The following CBLB variants were observed in gnomAD, a reference collection of about 807,000 sequenced individuals.
The protein encoded by CBLB is E3 ubiquitin-protein ligase CBL-B.
Under a neutral mutation model 104.9 loss-of-function variants are expected in CBLB, and 31 were observed. That is an observed-to-expected ratio of 0.30 (90% CI 0.22 to 0.40). CBLB has a LOEUF of 0.40. Ranked by LOEUF, CBLB falls within the 10% of genes least tolerant of loss-of-function variation. The probability of loss-of-function intolerance (pLI) is 1.00; values close to 1 mark genes in which losing one functional copy is unlikely to be tolerated. For synonymous variants in CBLB, 440 were observed against 422.6 expected (o/e 1.04, Z -0.51); for missense variants, 1,062 against 1,214.6 (o/e 0.87, Z 1.87).
chr3:105,795,633 C>T (rs1214932075), intron 3 of CBLB, among the ~76,000 whole-genome samples: 1 of 152,168 alleles, frequency 6.6e-6, no homozygotes, highest in Non-Finnish European at 1.5e-5. Flanking sequence ...GCCCAAAGCT[C>T]AATGTGAAAT....
intron 13 of CBLB, among the ~76,000 whole-genome samples, chr3:105,688,046 T>C (rs2067221190): frequency 6.6e-6 from 1 of 152,104 alleles, no homozygotes; most frequent in African/African-American, 2.4e-5. Context: ...TATTTAGTCA[T>C]TATCTATCCA....
intron 3 of CBLB, among the ~76,000 whole-genome samples, chr3:105,804,911 C>T (rs1450740146): frequency 1.3e-5 from 2 of 152,096 alleles, no homozygotes; most frequent in African/African-American, 4.8e-5. Flanking sequence ...CTCTAATACC[C>T]TCCATACCAA....
chr3:105,765,135 CACAAA>C (rs1004316065), intron 4 of CBLB, among the ~76,000 whole-genome samples: 41 of 152,240 alleles, frequency 2.7e-4, no homozygotes, highest in African/African-American at 9.6e-4. Flanking sequence ...AATGTGGCTA[CACAAA>C]ACAACAGATA....
intron 17 of CBLB, among the ~76,000 whole-genome samples, chr3:105,676,642 GA>G (rs969571531): frequency 6.6e-6 from 1 of 151,764 alleles, no homozygotes; most frequent in Non-Finnish European, 1.5e-5. Context: ...TTGAATAAGT[GA>G]AAAAAAATAG....
chr3:105,670,493 T>G, intron 17 of CBLB, 141 bp from the exon 18 acceptor site: 1 of 667,168 alleles, frequency 1.5e-6, no homozygotes, highest in Non-Finnish European at 2.6e-6. Context: ...TATTAACCAT[T>G]TTTTACTGCC....
Position 105,774,278 on chromosome 3 carries a change from GA to G in CBLB, c.566+2117del, listed in dbSNP as rs574517277. On this transcript the variant is annotated intron_variant, in intron 4 of 18. Coordinates refer to ENST00000394030, the MANE Select transcript of CBLB (RefSeq NM_170662.5). ...ATACAAACAGTATTAGAGCATAATG[GA>G]AAAAAAAAATTCAACCTTTCGAAAG... is the stretch of plus-strand genomic sequence containing the variant. Among the ~76,000 whole-genome samples the G allele has an allele frequency of 2.0e-4, 30 of 149,450 alleles. No individual in the cohort carries two copies. In the South Asian group the frequency reaches 3.6e-3, roughly 18 times the overall value.
intron 2 of CBLB, among the ~76,000 whole-genome samples, chr3:105,864,170 C>T (rs1345449579): frequency 6.6e-6 from 1 of 152,178 alleles, no homozygotes; most frequent in Non-Finnish European, 1.5e-5. Context: ...CTACTCTGTT[C>T]CCACTGTACT....
At chr3:105,728,565 T>C (rs1050583295) in intron 9 of CBLB, among the ~76,000 whole-genome samples, 3 of 152,200 alleles carry the variant, frequency 2.0e-5, no homozygotes, top group African/African-American at 7.2e-5. Flanking sequence ...AAGGAAGATG[T>C]GCAGAAGTTC....
At chr3:105,689,971 A>G (rs1240630104) in intron 13 of CBLB, among the ~76,000 whole-genome samples, 1 of 152,176 alleles carries the variant, frequency 6.6e-6, no homozygotes, top group Non-Finnish European at 1.5e-5. Context: ...TCTAGGTCTC[A>G]AGACAAATTA....
At position 105,748,081 on chromosome 3, in the gene CBLB, C is replaced by T. The variant is rs556122530; in HGVS notation, c.724-2043G>A. ...TTTAAAGTATTTCGACAACTACTGGCTTAAAAAAGGCAAAACAAAGTGCTT... is the reference window on the plus strand; with the variant it reads ...TTTAAAGTATTTCGACAACTACTGGTTTAAAAAAGGCAAAACAAAGTGCTT... On this transcript the variant is annotated intron_variant, in intron 5 of 18. Coordinates refer to ENST00000394030, the MANE Select transcript of CBLB (RefSeq NM_170662.5). Among the ~76,000 whole-genome samples, 7 of 152,004 alleles carry T rather than the reference C, an allele frequency of 4.6e-5. No individual in the cohort carries two copies. In the South Asian group the frequency reaches 1.5e-3, roughly 31 times the overall value.
At chr3:105,778,184 C>T (rs1577103193) in intron 3 of CBLB, among the ~76,000 whole-genome samples, 1 of 151,580 alleles carries the variant, frequency 6.6e-6, no homozygotes, top group African/African-American at 2.4e-5. Flanking sequence ...TGTTAGGACT[C>T]AATAAAAATA....
At chr3:105,832,942 AG>A (rs1322930231) in intron 3 of CBLB, among the ~76,000 whole-genome samples, 1 of 152,210 alleles carries the variant, frequency 6.6e-6, no homozygotes, top group Non-Finnish European at 1.5e-5. Flanking sequence ...CACTCAGGGA[AG>A]GCCTCTCTGA....
intron 3 of CBLB, among the ~76,000 whole-genome samples, chr3:105,847,854 A>T (rs1296157411): frequency 6.6e-5 from 10 of 152,176 alleles, no homozygotes; most frequent in Non-Finnish European, 1.3e-4. Context: ...GTAAAATCAT[A>T]GAAATGCCTC....
At chr3:105,676,031 T>C (rs1050769874) in intron 17 of CBLB, among the ~76,000 whole-genome samples, 6 of 151,024 alleles carry the variant, frequency 4.0e-5, no homozygotes, top group African/African-American at 1.5e-4. Flanking sequence ...GATGTTGATA[T>C]TATTGGGAAG....
chr3:105,679,213 T>C (rs886208347), intron 16 of CBLB, among the ~76,000 whole-genome samples: 2 of 151,968 alleles, frequency 1.3e-5, no homozygotes, highest in African/African-American at 4.8e-5. Flanking sequence ...TTCCAAGCAC[T>C]ACTTACATTT....
chr3:105,864,189 G>T (rs1204528044), intron 2 of CBLB, among the ~76,000 whole-genome samples: 1 of 152,170 alleles, frequency 6.6e-6, no homozygotes, highest in African/African-American at 2.4e-5. Context: ...CTTGGGGTTT[G>T]TAATATAGCC....
At chr3:105,825,846 A>C (rs1328654544) in intron 3 of CBLB, among the ~76,000 whole-genome samples, 2 of 152,166 alleles carry the variant, frequency 1.3e-5, no homozygotes, top group Non-Finnish European at 2.9e-5. Context: ...TTAAGCATTC[A>C]TTTTCCAGTA....
chr3:105,702,869 G>A (rs2069451453), intron 11 of CBLB, among the ~76,000 whole-genome samples: 1 of 152,074 alleles, frequency 6.6e-6, no homozygotes, highest in South Asian at 2.1e-4. Context: ...AACTTGATTT[G>A]TAATATTTGT....
rs114641770 is a variant in CBLB at position 105,846,365 on chromosome 3, T to C, written c.419+7049A>G. Among the ~76,000 whole-genome samples, 809 of 152,160 alleles carry C rather than the reference T, an allele frequency of 5.3e-3. 6 individuals are homozygous for C. Among genetic ancestry groups the C allele is most frequent in the African/African-American group, 0.019 (787 of 41,556 alleles). On this transcript the variant is annotated intron_variant, in intron 3 of 18. Coordinates refer to ENST00000394030, the MANE Select transcript of CBLB (RefSeq NM_170662.5). ...CTTTCATGTATCATTACATATTTCA[T>C]AGATATCCAATATAGTATAATTTAT...
Sources: gnomAD v4.1 joint callset for allele counts (sites outside exome capture counted in the v4.1 genomes callset) on GRCh38, gnomAD v4.1.1 for gene constraint, MANE v1.5 for transcripts, NCBI Gene and HGNC (gene_info 2026-07-23, HGNC 2026-07-21) for gene names.